COL23A1: variants seen among roughly 807,000 people sequenced by gnomAD.
The protein encoded by COL23A1 is collagen type XXIII alpha 1 chain.
Under a neutral mutation model 99.3 loss-of-function variants are expected in COL23A1, and 97 were observed. The ratio of observed to expected loss-of-function variants is 0.98; its 90% CI spans 0.83 to 1.16. COL23A1 has a LOEUF of 1.16. COL23A1 is among the 50% of genes most tolerant of loss of function. The pLI, the probability that COL23A1 is intolerant of heterozygous loss-of-function variation, is 0.00. For synonymous variants in COL23A1, 320 were observed against 308.2 expected, an observed-to-expected ratio of 1.04 and a Z score of -0.40; for missense variants, 762 against 757.4, an observed-to-expected ratio of 1.01 and a Z score of -0.07.
chr5:178,319,675 GC>G (rs1759181031), intron 2 of COL23A1, among the ~76,000 whole-genome samples: 1 of 152,186 alleles, frequency 6.6e-6, no homozygotes, highest in South Asian at 2.1e-4. Flanking sequence ...GTGGACCAGC[GC>G]CCTCCTGAGG....
chr5:178,445,321 T>C (rs867528308), intron 2 of COL23A1, among the ~76,000 whole-genome samples: 2 of 152,214 alleles, frequency 1.3e-5, no homozygotes, highest in Admixed American at 6.5e-5. Context: ...ACTGATTTGT[T>C]TGTTCCTATA....
intron 2 of COL23A1, among the ~76,000 whole-genome samples, chr5:178,406,110 A>G (rs533709141): frequency 6.6e-6 from 1 of 152,320 alleles, no homozygotes; most frequent in South Asian, 2.1e-4. Flanking sequence ...CTCAAAATAA[A>G]CAAACCAACA....
chr5:178,498,233 T>C (rs1046804209), intron 2 of COL23A1, among the ~76,000 whole-genome samples: 16 of 54,438 alleles, frequency 2.9e-4, no homozygotes, highest in African/African-American at 1.9e-3. Context: ...TATATATATA[T>C]ATATATATAT....
At chr5:178,406,028 G>T (rs1000481739) in intron 2 of COL23A1, among the ~76,000 whole-genome samples, 5 of 152,134 alleles carry the variant, frequency 3.3e-5, no homozygotes, top group Admixed American at 2.6e-4. Flanking sequence ...CCTTGAACCT[G>T]GGAGGCGGAG....
chr5:178,403,290 G>A (rs946547131), intron 2 of COL23A1, among the ~76,000 whole-genome samples: 1 of 152,102 alleles, frequency 6.6e-6, no homozygotes, highest in African/African-American at 2.4e-5. Flanking sequence ...CACAGTGGAG[G>A]AATAACCTGC....
At chr5:178,273,329 C>T (rs1756401261) in intron 5 of COL23A1, among the ~76,000 whole-genome samples, 1 of 152,232 alleles carries the variant, frequency 6.6e-6, no homozygotes, top group South Asian at 2.1e-4. Flanking sequence ...CTGGACGCTG[C>T]CCTCTGTCAA....
At chr5:178,550,555 G>C (rs543125645) in intron 2 of COL23A1, among the ~76,000 whole-genome samples, 1 of 152,254 alleles carries the variant, frequency 6.6e-6, no homozygotes, top group African/African-American at 2.4e-5. Flanking sequence ...TTTCTACTGC[G>C]TAATTTTAAA....
intron 15 of COL23A1, 64 bp downstream of exon 15, chr5:178,256,289 C>T (rs1442725942): frequency 2.4e-6 from 3 of 1,250,644 alleles, no homozygotes; most frequent in Non-Finnish European, 3.2e-6. Flanking sequence ...GGGACAGGGG[C>T]TTCTGAAGCT....
intron 2 of COL23A1, among the ~76,000 whole-genome samples, chr5:178,483,438 A>G (rs1757447046): frequency 6.6e-6 from 1 of 152,204 alleles, no homozygotes; most frequent in African/African-American, 2.4e-5. Flanking sequence ...CTCAAGACAC[A>G]GCATTTCTAG....
chr5:178,561,035 C>A (rs1397391403), intron 1 of COL23A1, among the ~76,000 whole-genome samples: 1 of 152,212 alleles, frequency 6.6e-6, no homozygotes, highest in Admixed American at 6.5e-5. Flanking sequence ...ACGACAGAAA[C>A]AGCGTCCTGC....
chr5:178,310,140 C>T lies in COL23A1; in HGVS notation c.362-3221G>A, dbSNP rs1403019658. 6.6e-6 allele frequency among the ~76,000 whole-genome samples: 1 copy of T among 152,248 alleles called. No individual in the cohort carries two copies. The highest frequency in any genetic ancestry group is 1.5e-5 in the Non-Finnish European group (1 of 68,048). On this transcript the variant is annotated intron_variant, in intron 2 of 28. Transcript: ENST00000390654. This position sits in a 1 kb window ranked among gnomAD's most constrained non-coding sequence, Gnocchi z 4.3. ...CTTCCTTTCCCGGACTGCGAGAAGA[C>T]AGGCGGTGAGGCCCTGGGAGAGGGC...
chr5:178,478,293 T>C (rs1757138589), intron 2 of COL23A1, among the ~76,000 whole-genome samples: 2 of 152,150 alleles, frequency 1.3e-5, no homozygotes, highest in African/African-American at 4.8e-5. Context: ...GTCAGGAGAA[T>C]GCAGTGAGGG....
At chr5:178,394,658 A>G (rs914057455) in intron 2 of COL23A1, among the ~76,000 whole-genome samples, 2 of 152,102 alleles carry the variant, frequency 1.3e-5, no homozygotes, top group African/African-American at 4.8e-5. Context: ...TCCTGAGTCC[A>G]CCCTGACACG....
intron 2 of COL23A1, among the ~76,000 whole-genome samples, chr5:178,354,578 G>C (rs556251072): frequency 6.6e-6 from 1 of 152,044 alleles, no homozygotes; most frequent in Admixed American, 6.6e-5. Context: ...GTTCTCGTGC[G>C]ATCTGGCTGT....
rs1762520249 is a variant in COL23A1 at position 178,560,763 on chromosome 5, AAAAAAG to A, written c.295-21_295-16del. 6.3e-7 allele frequency: 1 copy of A among 1,598,542 alleles called. No homozygotes were observed. Among genetic ancestry groups the A allele is most frequent in the South Asian group, 1.1e-5 (1 of 88,030 alleles). Reference sequence around the variant, plus strand: ...CCGTCCAACTTCTGAGCCGGAAAAAAAAAAAGAAAAAAAACGAGGAGAGAATGAGTT... The same window carrying A: ...CCGTCCAACTTCTGAGCCGGAAAAAAAAAAAAAACGAGGAGAGAATGAGTT... On this transcript the variant is annotated splice_polypyrimidine_tract_variant and intron_variant, in intron 1 of 28. Transcript: ENST00000390654.
chr5:178,270,465 T>C lies in COL23A1; in HGVS notation c.442-102A>G, dbSNP rs1371004446. On this transcript the variant is annotated intron_variant, in intron 5 of 28. Coordinates refer to ENST00000390654, the MANE Select transcript of COL23A1 (RefSeq NM_173465.4). The stretch of plus-strand genomic sequence containing the variant: ...TATTCAGTGACAAGAAAACAAAGCC[T>C]GTGGGAGCCCCGCGTCTGGGTTCAG... 4 of 1,415,898 alleles carry C rather than the reference T, an allele frequency of 2.8e-6. No homozygotes were observed. In the African/African-American group the frequency reaches 5.7e-5, roughly 20 times the overall value. The allele number at this position is 1,415,898 out of a possible 1,614,324, so 87.7% of individuals were successfully genotyped here. A position where few individuals can be genotyped will look rare whatever the true frequency, so the allele number is the denominator to read the frequency against.
At chr5:178,444,527 G>C (rs975269010) in intron 2 of COL23A1, among the ~76,000 whole-genome samples, 6 of 152,138 alleles carry the variant, frequency 3.9e-5, no homozygotes, top group Non-Finnish European at 8.8e-5. Context: ...GGGTGTGGTG[G>C]CTTACAGCTG....
chr5:178,586,605 G>T (rs1284613042), intron 1 of COL23A1, among the ~76,000 whole-genome samples: 1 of 98,944 alleles, frequency 1.0e-5, no homozygotes, highest in African/African-American at 4.5e-5. Context: ...CCAAACTGTT[G>T]CAAGGAAAAA....
At chr5:178,491,481 C>A (rs1757931773) in intron 2 of COL23A1, among the ~76,000 whole-genome samples, 1 of 152,032 alleles carries the variant, frequency 6.6e-6, no homozygotes, top group Non-Finnish European at 1.5e-5. Flanking sequence ...CCACCCACTG[C>A]CTACAGACAA....
Sources: allele counts gnomAD v4.1 joint callset (sites outside exome capture counted in the v4.1 genomes callset), GRCh38; gene constraint gnomAD v4.1.1; non-coding constraint Gnocchi (gnomAD v3.1); transcripts MANE v1.5; gene names NCBI Gene and HGNC (gene_info 2026-07-23, HGNC 2026-07-21).